The following SYNPR variants were observed in gnomAD, a reference collection of about 807,000 sequenced individuals.
SYNPR encodes the protein synaptoporin.
In SYNPR, 23 loss-of-function variants were observed where a neutral mutation model predicts 32.9. The observed-to-expected ratio is 0.70, with a 90% CI of 0.50 to 0.99. SYNPR has a LOEUF of 0.99. Ranked by LOEUF, SYNPR falls within the 50% of genes least tolerant of loss-of-function variation. The pLI, the probability that SYNPR is intolerant of heterozygous loss-of-function variation, is 0.00. For missense variants in SYNPR, 318 were observed against 349.3 expected (o/e 0.91, Z 0.71); for synonymous variants, 146 against 135.9 (o/e 1.07, Z -0.52).
intron 3 of SYNPR, among the ~76,000 whole-genome samples, chr3:63,484,227 T>C (rs1701101488): frequency 6.6e-6 from 1 of 152,158 alleles, no homozygotes; most frequent in Non-Finnish European, 1.5e-5. Context: ...AAATAAACCA[T>C]TTGTCACCTT....
intron 4 of SYNPR, among the ~76,000 whole-genome samples, chr3:63,583,199 C>A (rs1703122882): frequency 1.3e-5 from 2 of 152,022 alleles, no homozygotes; most frequent in African/African-American, 4.8e-5. Flanking sequence ...AGGGCAGGAA[C>A]AAGTCATAAT....
At chr3:63,268,748 A>G (rs1462868981) in intron 3 of SYNPR, among the ~76,000 whole-genome samples, 1 of 152,198 alleles carries the variant, frequency 6.6e-6, no homozygotes, top group African/African-American at 2.4e-5. Flanking sequence ...AATAACTCAC[A>G]CAGTTCAAAC....
intron 3 of SYNPR, among the ~76,000 whole-genome samples, chr3:63,495,704 C>CT (rs1451060026): frequency 6.6e-6 from 1 of 152,032 alleles, no homozygotes; most frequent in Non-Finnish European, 1.5e-5. Flanking sequence ...AAAAGTAGCA[C>CT]TTTTTTTGGT....
At chr3:63,474,252 C>T (rs1342189265) in intron 2 of SYNPR, among the ~76,000 whole-genome samples, 1 of 152,188 alleles carries the variant, frequency 6.6e-6, no homozygotes, top group Non-Finnish European at 1.5e-5. Context: ...CTGGGGACGT[C>T]TACCTTGCTC....
intron 3 of SYNPR, among the ~76,000 whole-genome samples, chr3:63,546,522 T>C (rs1221972937): frequency 6.6e-6 from 1 of 152,132 alleles, no homozygotes; most frequent in African/African-American, 2.4e-5. Flanking sequence ...TTTTCCAGCC[T>C]TATCTTCACA....
intron 1 of SYNPR, among the ~76,000 whole-genome samples, chr3:63,246,370 C>G (rs1245081490): frequency 5.9e-5 from 9 of 152,070 alleles, no homozygotes; most frequent in Non-Finnish European, 1.3e-4. Flanking sequence ...ACTCATTCAT[C>G]CCTACATTCA....
At position 63,351,166 on chromosome 3, in the gene SYNPR, C is replaced by G. The variant is rs79110713; in HGVS notation, c.84+72424C>G. Among the ~76,000 whole-genome samples, 1,130 of 152,236 alleles carry G rather than the reference C, an allele frequency of 7.4e-3. 10 individuals are homozygous for G. The highest frequency in any genetic ancestry group is 0.026 in the African/African-American group (1,072 of 41,526). ...CTCAGAAGCCAGAATTCTGAGTGATCCGCCCAATTGATCTTGGCCGATTTA... is the reference window on the plus strand; with the variant it reads ...CTCAGAAGCCAGAATTCTGAGTGATGCGCCCAATTGATCTTGGCCGATTTA... On this transcript the variant is annotated intron_variant, in intron 2 of 5. Coordinates refer to ENST00000478300, the MANE Select transcript of SYNPR (RefSeq NM_001130003.2).
At chr3:63,385,205 A>G (rs2088024629) in intron 2 of SYNPR, among the ~76,000 whole-genome samples, 1 of 152,140 alleles carries the variant, frequency 6.6e-6, no homozygotes, top group African/African-American at 2.4e-5. Flanking sequence ...AATAGCATTA[A>G]ATTCTTCCCA....
chr3:63,218,223 G>GA, the SYNPR span, among the ~76,000 whole-genome samples: 6 of 152,170 alleles, frequency 3.9e-5, no homozygotes, highest in Non-Finnish European at 8.8e-5. Context: ...TACTAGAAAT[G>GA]AAAAATTATA....
At chr3:63,271,525 C>T (rs1010598060) in intron 3 of SYNPR, among the ~76,000 whole-genome samples, 2 of 152,080 alleles carry the variant, frequency 1.3e-5, no homozygotes, top group Non-Finnish European at 2.9e-5. Context: ...AAAGTGAATG[C>T]ATGCAGTATA....
At chr3:63,521,410 T>C (rs192451228) in intron 3 of SYNPR, among the ~76,000 whole-genome samples, 122 of 152,328 alleles carry the variant, frequency 8.0e-4, no homozygotes, top group Middle Eastern at 3.4e-3. Flanking sequence ...ATAGAGCTTG[T>C]TAACATTTAC....
intron 2 of SYNPR, among the ~76,000 whole-genome samples, chr3:63,368,709 T>C (rs990208431): frequency 6.6e-6 from 1 of 152,140 alleles, no homozygotes; most frequent in Non-Finnish European, 1.5e-5. Context: ...TGGTGTGCAG[T>C]GCTACAGACT....
At chr3:63,229,207 C>G (rs998647752) in intron 1 of SYNPR, among the ~76,000 whole-genome samples, 4 of 152,152 alleles carry the variant, frequency 2.6e-5, no homozygotes, top group African/African-American at 9.7e-5. Context: ...GATATTCATA[C>G]TTAATTTTTG....
intron 3 of SYNPR, among the ~76,000 whole-genome samples, chr3:63,529,169 C>G (rs1417463887): frequency 6.6e-6 from 1 of 152,174 alleles, no homozygotes; most frequent in Non-Finnish European, 1.5e-5. Flanking sequence ...ATGGGGGACC[C>G]CTGGGGAAAC....
intron 1 of SYNPR, among the ~76,000 whole-genome samples, chr3:63,238,538 G>A (rs1393438225): frequency 6.6e-6 from 1 of 151,930 alleles, no homozygotes; most frequent in East Asian, 1.9e-4. Context: ...CTAGTGGTAG[G>A]GAATGCAGAA....
intron 2 of SYNPR, among the ~76,000 whole-genome samples, chr3:63,424,689 C>T (rs1265538744): frequency 6.6e-6 from 1 of 152,006 alleles, no homozygotes; most frequent in Admixed American, 6.6e-5. Flanking sequence ...TAGCACACAC[C>T]AAAATGTACA....
At chr3:63,477,833 A>T (rs768918964) in intron 2 of SYNPR, among the ~76,000 whole-genome samples, 3 of 152,224 alleles carry the variant, frequency 2.0e-5, no homozygotes, top group Non-Finnish European at 2.9e-5. Context: ...GCCCAAGAGC[A>T]TGTCAGCAGG....
chr3:63,326,597 A>C (rs1371344959), intron 2 of SYNPR, among the ~76,000 whole-genome samples: 2 of 152,152 alleles, frequency 1.3e-5, no homozygotes, highest in Non-Finnish European at 2.9e-5. Flanking sequence ...ATTCCAGATC[A>C]CTGAGTGTCC....
At chr3:63,489,984 A>G (rs952973944) in intron 3 of SYNPR, among the ~76,000 whole-genome samples, 1 of 152,198 alleles carries the variant, frequency 6.6e-6, no homozygotes, top group Non-Finnish European at 1.5e-5. Flanking sequence ...CAGGGATGCA[A>G]TCCCAGTAGG....
Sources: gnomAD v4.1 joint callset for allele counts (sites outside exome capture counted in the v4.1 genomes callset) on GRCh38, gnomAD v4.1.1 for gene constraint, MANE v1.5 for transcripts, NCBI Gene and HGNC (gene_info 2026-07-23, HGNC 2026-07-21) for gene names.